The following VTI1A variants were observed in gnomAD, a reference collection of about 807,000 sequenced individuals.
VTI1A encodes the protein vesicle transport through interaction with t-SNAREs homolog 1A.
In VTI1A, 22 loss-of-function variants were observed where a neutral mutation model predicts 34.9. That is an observed-to-expected ratio of 0.63 (90% confidence interval 0.45 to 0.90). The LOEUF is 0.90. VTI1A is among the 40% of genes least tolerant of loss of function. The pLI is 0.00. For synonymous variants in VTI1A, 87 were observed against 97.3 expected (o/e 0.89, Z 0.62); for missense variants, 268 against 275.6 (o/e 0.97, Z 0.20).
intron 4 of VTI1A, among the ~76,000 whole-genome samples, chr10:112,536,968 C>A (rs1026179141): frequency 1.3e-5 from 2 of 152,038 alleles, no homozygotes; most frequent in Non-Finnish European, 2.9e-5. Flanking sequence ...AGGCACTGGT[C>A]TAGGTGTATT....
chr10:112,703,848 A>C (rs1849100410), intron 7 of VTI1A, among the ~76,000 whole-genome samples: 1 of 152,242 alleles, frequency 6.6e-6, no homozygotes, highest in Non-Finnish European at 1.5e-5. Context: ...GGTAGCTAAA[A>C]AATAGCTTGC....
intron 3 of VTI1A, among the ~76,000 whole-genome samples, chr10:112,497,400 A>ATT (rs1849068077): frequency 6.6e-6 from 1 of 152,006 alleles, no homozygotes; most frequent in African/African-American, 2.4e-5. Flanking sequence ...TCTGATACTT[A>ATT]TTTTCTTTCT....
At chr10:112,769,161 T>C (rs993895036) in intron 7 of VTI1A, among the ~76,000 whole-genome samples, 3 of 152,150 alleles carry the variant, frequency 2.0e-5, no homozygotes, top group Admixed American at 6.5e-5. Flanking sequence ...AGCTAAAATT[T>C]GCAATTAATT....
chr10:112,510,625 C>T (rs1849574175), intron 3 of VTI1A, among the ~76,000 whole-genome samples: 1 of 151,914 alleles, frequency 6.6e-6, no homozygotes, highest in Non-Finnish European at 1.5e-5. Flanking sequence ...GACAGTGAGG[C>T]TTTGACTCAA....
chr10:112,537,912 A>G (rs1429294838), intron 4 of VTI1A, among the ~76,000 whole-genome samples: 1 of 152,164 alleles, frequency 6.6e-6, no homozygotes, highest in Non-Finnish European at 1.5e-5. Context: ...AGATCTATGC[A>G]AGTATCTCAT....
chr10:112,781,031 G>A (rs558575454), intron 7 of VTI1A, among the ~76,000 whole-genome samples: 3 of 151,974 alleles, frequency 2.0e-5, no homozygotes, highest in South Asian at 2.1e-4. Flanking sequence ...TGCAACCTCC[G>A]CCTCCCAGGT....
At chr10:112,599,049 T>C (rs1375038769) in intron 5 of VTI1A, among the ~76,000 whole-genome samples, 3 of 152,182 alleles carry the variant, frequency 2.0e-5, no homozygotes, top group Admixed American at 6.5e-5. Flanking sequence ...TACCAGTCCG[T>C]CTTTGACTGT....
At chr10:112,736,109 G>GTATATATATATATATATATATATATATA (rs1181090787) in intron 7 of VTI1A, among the ~76,000 whole-genome samples, 1 of 116,886 alleles carries the variant, frequency 8.6e-6, no homozygotes, top group African/African-American at 4.0e-5. Flanking sequence ...ATATGTGTGT[G>GTATATATATATATATATATATATATATA]TGTATATATA....
Position 112,690,887 on chromosome 10 carries a change from G to A in VTI1A, c.560+21889G>A, listed in dbSNP as rs557446359. Among the ~76,000 whole-genome samples the A allele has an allele frequency of 1.2e-4, 18 of 152,198 alleles. No homozygotes were observed. The South Asian group carries it at 1.9e-3, about 16-fold the overall frequency. On this transcript the variant is annotated intron_variant, in intron 7 of 7. Transcript: ENST00000393077. ...CTGCACAGATTCTTTTTAAAACATAGGTCCTGCCCTAGCCATAGGTGCCCC... is the reference window on the plus strand; with the variant it reads ...CTGCACAGATTCTTTTTAAAACATAAGTCCTGCCCTAGCCATAGGTGCCCC...
intron 5 of VTI1A, among the ~76,000 whole-genome samples, chr10:112,611,454 T>C (rs1392349943): frequency 2.0e-5 from 3 of 152,194 alleles, no homozygotes; most frequent in Non-Finnish European, 4.4e-5. Flanking sequence ...TGGCAACATA[T>C]TATTCTGATC....
chr10:112,763,536 T>C (rs1851550648), intron 7 of VTI1A, among the ~76,000 whole-genome samples: 1 of 152,134 alleles, frequency 6.6e-6, no homozygotes, highest in African/African-American at 2.4e-5. Flanking sequence ...TGAGGTTGAA[T>C]TGAGTTCTTG....
chr10:112,544,750 G>T (rs1197344411), intron 5 of VTI1A, among the ~76,000 whole-genome samples: 3 of 152,214 alleles, frequency 2.0e-5, no homozygotes, highest in Non-Finnish European at 4.4e-5. Context: ...AGCTGGGACA[G>T]ATGATTCTGA....
At position 112,545,818 on chromosome 10, in the gene VTI1A, CGT is replaced by C. The variant is rs143797429; in HGVS notation, c.427+7498_427+7499del. Among the ~76,000 whole-genome samples, 8 of 151,836 alleles carry C rather than the reference CGT, an allele frequency of 5.3e-5. No homozygotes were observed. The South Asian group carries it at 1.5e-3, about 28-fold the overall frequency. On this transcript the variant is annotated intron_variant, in intron 5 of 7. Transcript: ENST00000393077. ...GGATAAATGTCATTTCATTGAATCT[CGT>C]GTGTGTGTGCGCACGCGTGCGCGTG... is the stretch of plus-strand genomic sequence containing the variant.
intron 7 of VTI1A, among the ~76,000 whole-genome samples, chr10:112,802,185 T>C (rs1467003047): frequency 2.0e-5 from 3 of 152,138 alleles, no homozygotes; most frequent in Non-Finnish European, 4.4e-5. Context: ...GTTGAGGCTG[T>C]GGTGAGCAGT....
intron 5 of VTI1A, among the ~76,000 whole-genome samples, chr10:112,608,485 CTATATT>C (rs1456759891): frequency 6.6e-6 from 1 of 152,060 alleles, no homozygotes; most frequent in African/African-American, 2.4e-5. Flanking sequence ...TAGTTCTTTT[CTATATT>C]TAAGTCATTG....
chr10:112,723,686 G>A (rs868548606), intron 7 of VTI1A, among the ~76,000 whole-genome samples: 6 of 152,164 alleles, frequency 3.9e-5, no homozygotes, highest in African/African-American at 4.8e-5. Flanking sequence ...TGTCCTAATC[G>A]TTTAAAAAGT....
At position 112,816,895 on chromosome 10, in the gene VTI1A, C is replaced by T. The variant is rs1023646999; in HGVS notation, c.*1512C>T. The stretch of plus-strand genomic sequence containing the variant: ...AATCCACCAGAGAAATTGCACTTAT[C>T]GAAACAGGCCAAGGCCTGCATGTGT... On this transcript the variant is annotated 3_prime_UTR_variant, in exon 8 of 8. Coordinates refer to ENST00000393077, the MANE Select transcript of VTI1A (RefSeq NM_145206.4). The T allele has an allele frequency of 2.2e-5, 5 of 230,286 alleles. No homozygotes were observed. Among genetic ancestry groups the T allele is most frequent in the Non-Finnish European group, 4.3e-5 (5 of 116,304 alleles). 14.3% of individuals were successfully genotyped at this position (230,286 alleles called of 1,614,324 possible).
chr10:112,634,638 G>A (rs1004524503), intron 5 of VTI1A, among the ~76,000 whole-genome samples: 2 of 151,848 alleles, frequency 1.3e-5, no homozygotes, highest in African/African-American at 2.4e-5. Context: ...ATGTCCCTGT[G>A]ACAAGGTGGT....
intron 7 of VTI1A, among the ~76,000 whole-genome samples, chr10:112,781,241 G>C (rs111582191): frequency 0.063 from 9,602 of 152,012 alleles, 463 homozygotes; most frequent in African/African-American, 0.13. Flanking sequence ...CACCGCGCCC[G>C]GCCCAGATCT....
Sources: allele counts gnomAD v4.1 joint callset (sites outside exome capture counted in the v4.1 genomes callset), GRCh38; gene constraint gnomAD v4.1.1; transcripts MANE v1.5; gene names NCBI Gene and HGNC (gene_info 2026-07-23, HGNC 2026-07-21).